KCNB2: variants seen among roughly 807,000 people sequenced by gnomAD.
KCNB2 encodes delayed rectifier potassium channel protein.
In KCNB2, 15 loss-of-function variants were observed where a neutral mutation model predicts 61.5. That is an observed-to-expected ratio of 0.24 (90% CI 0.16 to 0.38). The LOEUF (loss-of-function observed/expected upper bound fraction) is 0.38. KCNB2 is among the 10% of genes least tolerant of loss of function. The pLI is 1.00. For synonymous variants in KCNB2, 457 were observed against 446.0 expected, an observed-to-expected ratio of 1.02 and a Z score of -0.31; for missense variants, 828 against 1,125.2, an observed-to-expected ratio of 0.74 and a Z score of 3.78.
intron 2 of KCNB2, among the ~76,000 whole-genome samples, chr8:72,772,059 G>T (rs1418863289): frequency 6.6e-6 from 1 of 152,130 alleles, no homozygotes; most frequent in Non-Finnish European, 1.5e-5. Flanking sequence ...CAAAACACCA[G>T]TTAGGAAGCC....
intron 2 of KCNB2, among the ~76,000 whole-genome samples, chr8:72,692,262 G>A (rs1204407672): frequency 3.3e-5 from 5 of 149,748 alleles, no homozygotes; most frequent in African/African-American, 1.2e-4. Context: ...AAAAAAATTG[G>A]AAGCTTATAT....
intron 2 of KCNB2, among the ~76,000 whole-genome samples, chr8:72,870,322 G>C (rs1186814461): frequency 6.6e-6 from 1 of 152,068 alleles, no homozygotes; most frequent in Non-Finnish European, 1.5e-5. Context: ...TTTGTTAAGA[G>C]GGTAGATCTC....
intron 2 of KCNB2, among the ~76,000 whole-genome samples, chr8:72,710,446 C>T (rs1807307170): frequency 6.6e-6 from 1 of 151,700 alleles, no homozygotes. Flanking sequence ...CCTTAGTTAT[C>T]GTGCATGCTC....
At chr8:72,667,291 C>G (rs917377423) in intron 2 of KCNB2, among the ~76,000 whole-genome samples, 1 of 152,132 alleles carries the variant, frequency 6.6e-6, no homozygotes, top group Non-Finnish European at 1.5e-5. Context: ...TGATTCCTCT[C>G]TCTTGTATGT....
chr8:72,909,338 A>G (rs1463432317), intron 2 of KCNB2, among the ~76,000 whole-genome samples: 4 of 152,168 alleles, frequency 2.6e-5, no homozygotes, highest in East Asian at 1.9e-4. Context: ...CAAAGGGACC[A>G]AAGTATGCAA....
At chr8:72,758,881 C>T (rs1418381267) in intron 2 of KCNB2, among the ~76,000 whole-genome samples, 1 of 152,156 alleles carries the variant, frequency 6.6e-6, no homozygotes, top group African/African-American at 2.4e-5. Flanking sequence ...TGCTGACTAA[C>T]CTGGTTTGAC....
intron 2 of KCNB2, among the ~76,000 whole-genome samples, chr8:72,779,935 A>G (rs765759538): frequency 1.3e-5 from 2 of 152,164 alleles, no homozygotes; most frequent in Admixed American, 6.5e-5. Context: ...AGATTTATCT[A>G]GCACCTGTCT....
At chr8:72,650,177 CTATTTTA>C (rs1221770098) in intron 2 of KCNB2, among the ~76,000 whole-genome samples, 1 of 152,142 alleles carries the variant, frequency 6.6e-6, no homozygotes, top group Non-Finnish European at 1.5e-5. Flanking sequence ...CACCCTGTAG[CTATTTTA>C]TAGACCTTGC....
At chr8:72,847,163 A>G (rs1274248818) in intron 2 of KCNB2, among the ~76,000 whole-genome samples, 4 of 152,190 alleles carry the variant, frequency 2.6e-5, no homozygotes, top group African/African-American at 9.7e-5. Context: ...CCACCTTGCC[A>G]GACTGGGGGC....
chr8:72,677,915 A>C (rs971945572), intron 2 of KCNB2, among the ~76,000 whole-genome samples: 2 of 152,192 alleles, frequency 1.3e-5, no homozygotes, highest in African/African-American at 2.4e-5. Context: ...AAATACCACT[A>C]TACCAAGGCA....
At chr8:72,693,078 T>C (rs1469713037) in intron 2 of KCNB2, among the ~76,000 whole-genome samples, 1 of 152,232 alleles carries the variant, frequency 6.6e-6, no homozygotes, top group Non-Finnish European at 1.5e-5. Flanking sequence ...CTGTGACAGC[T>C]GTCTTCTGGC....
chr8:72,585,923 T>C (rs1806995041), intron 2 of KCNB2, among the ~76,000 whole-genome samples: 1 of 152,236 alleles, frequency 6.6e-6, no homozygotes, highest in Non-Finnish European at 1.5e-5. Flanking sequence ...AAGACAGTAG[T>C]TTGAAACATT....
intron 2 of KCNB2, among the ~76,000 whole-genome samples, chr8:72,756,152 T>A (rs1808286537): frequency 6.6e-6 from 1 of 152,182 alleles, no homozygotes; most frequent in Admixed American, 6.5e-5. Context: ...AGGAGCAGGC[T>A]CTGAAACACC....
chr8:72,583,950 A>AG (rs1236629245), intron 2 of KCNB2, among the ~76,000 whole-genome samples: 2 of 109,024 alleles, frequency 1.8e-5, no homozygotes, highest in East Asian at 1.4e-3. Flanking sequence ...TAGAATATCA[A>AG]AAAAAAAAAA....
chr8:72,933,581 C>T lies in KCNB2; in HGVS notation c.580-2354C>T, dbSNP rs773398058. 7.9e-5 allele frequency among the ~76,000 whole-genome samples: 12 copies of T among 152,238 alleles called. No individual in the cohort carries two copies. The Middle Eastern group carries it at 0.017, about 217-fold the overall frequency. On this transcript the variant is annotated intron_variant, in intron 2 of 2. Transcript: ENST00000523207. ...ATGTATTAGCAACAGCGTGACCTCC[C>T]GAAAAAATATCTTGGTTCCTTATGA...
chr8:72,567,682 C>T lies in KCNB2; in HGVS notation c.-53C>T, dbSNP rs545355716. 1.1e-4 allele frequency: 135 copies of T among 1,257,554 alleles called. 1 individual carries two copies. In the Admixed American group the frequency reaches 3.1e-3, roughly 29 times the overall value. The allele number at this position is 1,257,554 out of a possible 1,614,324, so 77.9% of individuals were successfully genotyped here. The stretch of plus-strand genomic sequence containing the variant: ...TGCCTGCCCCAGAGGGATATTGCTT[C>T]AGTTGACCTCATTTTTTAAGGACCC... On this transcript the variant is annotated 5_prime_UTR_variant, in exon 2 of 3. Coordinates refer to ENST00000523207, the MANE Select transcript of KCNB2 (RefSeq NM_004770.3).
intron 2 of KCNB2, among the ~76,000 whole-genome samples, chr8:72,798,506 C>A (rs1171291870): frequency 1.3e-5 from 2 of 152,110 alleles, no homozygotes; most frequent in East Asian, 3.9e-4. Flanking sequence ...TTCTGCCCTT[C>A]GACTCCTGGG....
At chr8:72,660,951 T>G (rs1806370762) in intron 2 of KCNB2, 1 of 152,230 alleles carries the variant, frequency 6.6e-6, no homozygotes, top group South Asian at 2.1e-4. Context: ...GATTTCTAAT[T>G]TGATCATTAA....
rs149717455 is a variant in KCNB2, at chr8:72,811,724, C to A, written c.580-124211C>A. 1.0e-3 allele frequency among the ~76,000 whole-genome samples: 154 copies of A among 152,170 alleles called. 3 individuals are homozygous for A. The highest frequency in any genetic ancestry group is 3.6e-3 in the African/African-American group (149 of 41,520). ...GTGGCCATTCCAACAGGCTGGGAAG[C>A]ACAGCCTCCTGTCCAAAGCCAGAAA... On this transcript the variant is annotated intron_variant, in intron 2 of 2. Transcript: ENST00000523207.
Sources: allele counts gnomAD v4.1 joint callset (sites outside exome capture counted in the v4.1 genomes callset), GRCh38; gene constraint gnomAD v4.1.1; transcripts MANE v1.5; gene names NCBI Gene and HGNC (gene_info 2026-07-23, HGNC 2026-07-21).